The following UBE2L3 variants were observed in gnomAD, a reference collection of about 807,000 sequenced individuals.
The protein encoded by UBE2L3 is ubiquitin conjugating enzyme E2 L3, also known as ubiquitin-conjugating enzyme E2 L3.
In UBE2L3, 1 loss-of-function variant was observed where a neutral mutation model predicts 17.8. The ratio of observed to expected loss-of-function variants is 0.06; its 90% CI spans 0.02 to 0.27. UBE2L3 has a LOEUF of 0.27. Ranked by LOEUF, UBE2L3 falls within the 10% of genes least tolerant of loss-of-function variation. The pLI is 1.00. For missense variants in UBE2L3, 40 were observed against 192.6 expected, an observed-to-expected ratio of 0.21 and a Z score of 4.69; for synonymous variants, 44 against 68.5, an observed-to-expected ratio of 0.64 and a Z score of 1.76.
At chr22:21,574,848 C>T (rs1047738756) in intron 1 of UBE2L3, among the ~76,000 whole-genome samples, 1 of 152,024 alleles carries the variant, frequency 6.6e-6, no homozygotes, top group African/African-American at 2.4e-5. Context: ...GCCTGTAATC[C>T]CAGCTACTAG....
intron 1 of UBE2L3, among the ~76,000 whole-genome samples, chr22:21,552,720 CTTTTT>C (rs1286930537): frequency 3.8e-4 from 2 of 5,330 alleles, no homozygotes; most frequent in East Asian, 2.9e-3. Context: ...TCCAGATGTT[CTTTTT>C]TTTTTTTTTT....
intron 2 of UBE2L3, among the ~76,000 whole-genome samples, chr22:21,605,496 C>CT (rs761564585): frequency 7.2e-5 from 11 of 151,950 alleles, no homozygotes; most frequent in South Asian, 6.2e-4. Flanking sequence ...GATAGGGTTT[C>CT]TTTTTTTTCT....
At position 21,587,400 on chromosome 22, in the gene UBE2L3, C is replaced by T. The variant is rs531613952; in HGVS notation, c.28-5461C>T. Among the ~76,000 whole-genome samples, 10 of 151,716 alleles carry T rather than the reference C, an allele frequency of 6.6e-5. No individual in the cohort carries two copies. In the South Asian group the frequency reaches 1.7e-3, roughly 25 times the overall value. ...GAGACGGGGTTTCACCATGTGGTCT[C>T]GATCTCCTGACCTCGTGATCCACCC... On this transcript the variant is annotated intron_variant, in intron 1 of 3. Coordinates refer to ENST00000342192, the MANE Select transcript of UBE2L3 (RefSeq NM_003347.4).
chr22:21,560,764 A>G (rs1439600429), intron 1 of UBE2L3, among the ~76,000 whole-genome samples: 2 of 149,500 alleles, frequency 1.3e-5, no homozygotes, highest in Non-Finnish European at 1.5e-5. Flanking sequence ...ATCTATTTCA[A>G]TCACCCTCCT....
At chr22:21,563,800 C>T (rs1418691941), upstream of UBE2L3, among the ~76,000 whole-genome samples, 1 of 151,706 alleles carries the variant, frequency 6.6e-6, no homozygotes, top group Non-Finnish European at 1.5e-5. Flanking sequence ...TGGTCTCGAA[C>T]TCCTGACCTT....
At position 21,584,768 on chromosome 22, in the gene UBE2L3, C is replaced by T. The variant is rs1601409978; in HGVS notation, c.28-8093C>T. Among the ~76,000 whole-genome samples, 4 of 151,436 alleles carry T rather than the reference C, an allele frequency of 2.6e-5. No individual in the cohort carries two copies. In the South Asian group the frequency reaches 8.3e-4, roughly 32 times the overall value. ...TTGAGGTTAGGAGTTGGAGACCAGC[C>T]TGGCCAACATGGCAAAACCCCATCT... On this transcript the variant is annotated intron_variant, in intron 1 of 3. Transcript: ENST00000342192.
At chr22:21,574,945 A>G (rs1485331607) in intron 1 of UBE2L3, among the ~76,000 whole-genome samples, 1 of 148,368 alleles carries the variant, frequency 6.7e-6, no homozygotes, top group Non-Finnish European at 1.5e-5. Flanking sequence ...AGCCTGGGTG[A>G]CAGAGTGAGA....
At chr22:21,573,195 G>C (rs1927080485) in intron 1 of UBE2L3, among the ~76,000 whole-genome samples, 2 of 152,178 alleles carry the variant, frequency 1.3e-5, no homozygotes, top group Admixed American at 6.6e-5. Context: ...AGCAGGCCCT[G>C]CTCTCAGAGA....
intron 2 of UBE2L3, among the ~76,000 whole-genome samples, chr22:21,593,826 CCTGCCACTCGCTCCTGTT>C (rs1179578795): frequency 6.6e-6 from 1 of 152,148 alleles, no homozygotes; most frequent in Non-Finnish European, 1.5e-5. Flanking sequence ...CTGTGACCAG[CCTGCCACTCGCTCCTGTT>C]CTGCCACTCC....
intron 1 of UBE2L3, among the ~76,000 whole-genome samples, chr22:21,583,351 C>T (rs1485773010): frequency 2.0e-5 from 3 of 152,310 alleles, no homozygotes; most frequent in Non-Finnish European, 4.4e-5. Flanking sequence ...TTAACCCACC[C>T]TCAACAGCCA....
intron 1 of UBE2L3, among the ~76,000 whole-genome samples, chr22:21,585,987 G>A (rs146488364): frequency 2.0e-5 from 3 of 152,246 alleles, no homozygotes; most frequent in East Asian, 1.9e-4. Flanking sequence ...CCAGGCTGGA[G>A]TGTAGTGGCA....
At chr22:21,575,224 A>C (rs1405914100) in intron 1 of UBE2L3, among the ~76,000 whole-genome samples, 1 of 139,674 alleles carries the variant, frequency 7.2e-6, no homozygotes, top group Non-Finnish European at 1.5e-5. Flanking sequence ...ATGCCACTGC[A>C]CTCTGGCCTG....
intron 2 of UBE2L3, among the ~76,000 whole-genome samples, chr22:21,594,525 T>A (rs1374038632): frequency 6.6e-6 from 1 of 152,218 alleles, no homozygotes; most frequent in Non-Finnish European, 1.5e-5. Context: ...TTTTTTTTTT[T>A]AAGTCCCTGA....
chr22:21,609,916 C>A (rs956864665), intron 2 of UBE2L3, among the ~76,000 whole-genome samples: 1 of 152,134 alleles, frequency 6.6e-6, no homozygotes, highest in African/African-American at 2.4e-5. Context: ...ATCCCAGCTA[C>A]TTGGGAGGCT....
At chr22:21,602,814 C>G (rs919449552) in intron 2 of UBE2L3, among the ~76,000 whole-genome samples, 1 of 152,306 alleles carries the variant, frequency 6.6e-6, no homozygotes, top group African/African-American at 2.4e-5. Context: ...GGCCAGTTCC[C>G]CTCGTCCCCG....
chr22:21,571,263 A>AT (rs1425934428), intron 1 of UBE2L3, among the ~76,000 whole-genome samples: 3 of 152,184 alleles, frequency 2.0e-5, no homozygotes. Context: ...TAGGCAACTG[A>AT]TTGCCATCTG....
intron 1 of UBE2L3, among the ~76,000 whole-genome samples, chr22:21,578,993 A>G (rs1352926434): frequency 6.7e-6 from 1 of 148,416 alleles, no homozygotes; most frequent in African/African-American, 2.5e-5. Context: ...TTATTTATTT[A>G]TTTATTTATT....
At chr22:21,602,880 T>C (rs891435713) in intron 2 of UBE2L3, among the ~76,000 whole-genome samples, 1 of 151,794 alleles carries the variant, frequency 6.6e-6, no homozygotes, top group Non-Finnish European at 1.5e-5. Context: ...ATGTGGGGGG[T>C]TGTGTTCCGG....
upstream of UBE2L3, among the ~76,000 whole-genome samples, chr22:21,563,855 G>T (rs1320390798): frequency 6.6e-6 from 1 of 151,778 alleles, no homozygotes; most frequent in Non-Finnish European, 1.5e-5. Context: ...GATTACAGGT[G>T]TGAGCCACTG....
Sources: gnomAD v4.1 joint callset for allele counts (sites outside exome capture counted in the v4.1 genomes callset) on GRCh38, gnomAD v4.1.1 for gene constraint, MANE v1.5 for transcripts, NCBI Gene and HGNC (gene_info 2026-07-23, HGNC 2026-07-21) for gene names.